The following JUP variants were observed in gnomAD, a reference collection of about 807,000 sequenced individuals.
The protein encoded by JUP is junction plakoglobin, also known as catenin (cadherin-associated protein), gamma 80kDa.
In JUP, 28 loss-of-function variants were observed where a neutral mutation model predicts 71.1. The ratio of observed to expected loss-of-function variants is 0.39; its 90% CI spans 0.29 to 0.54. The LOEUF is 0.54. JUP is among the 20% of genes least tolerant of loss of function. The probability of loss-of-function intolerance (pLI) is 0.62; values close to 1 mark genes in which losing one functional copy is unlikely to be tolerated. For synonymous variants in JUP, 401 were observed against 438.9 expected (o/e 0.91, Z 1.08); for missense variants, 869 against 1,030.1 (o/e 0.84, Z 2.14).
intron 1 of JUP, among the ~76,000 whole-genome samples, chr17:41,783,970 C>G (rs1229134951): frequency 6.7e-6 from 1 of 150,278 alleles, no homozygotes; most frequent in Non-Finnish European, 1.5e-5. Flanking sequence ...TACCGTTTGT[C>G]AAGTACTTAC....
intron 5 of JUP, among the ~76,000 whole-genome samples, chr17:41,765,383 G>T (rs186716112): frequency 6.7e-6 from 1 of 148,556 alleles, no homozygotes; most frequent in African/African-American, 2.5e-5. Context: ...ATAGAGTCTC[G>T]CTCTGTCACC....
chr17:41,773,520 A>G (rs1555607726), intron 1 of JUP, among the ~76,000 whole-genome samples: 1 of 152,164 alleles, frequency 6.6e-6, no homozygotes, highest in Admixed American at 6.5e-5. Context: ...CCCAGACGAC[A>G]GGCTCGGGCC....
At chr17:41,757,922 G>A in intron 10 of JUP, 138 bp from the exon 11 acceptor site, 2 of 708,922 alleles carry the variant, frequency 2.8e-6, no homozygotes, top group Admixed American at 5.8e-5. Flanking sequence ...GGGAGTAAGT[G>A]TTACTGCTTT....
At chr17:41,762,684 A>G (rs773772044) in intron 8 of JUP, among the ~76,000 whole-genome samples, 45 of 152,158 alleles carry the variant, frequency 3.0e-4, no homozygotes, top group Non-Finnish European at 5.4e-4. Flanking sequence ...TACAGGCATG[A>G]GCCACCGTGC....
intron 1 of JUP, among the ~76,000 whole-genome samples, chr17:41,783,893 C>CAAAAAAAAAA (rs35672991): frequency 1.2e-5 from 1 of 81,996 alleles, no homozygotes; most frequent in Non-Finnish European, 2.3e-5. Flanking sequence ...GACTCCATCT[C>CAAAAAAAAAA]AAAAAAAAAA....
chr17:41,772,916 G>C, intron 1 of JUP: 2 of 985,432 alleles, frequency 2.0e-6, no homozygotes, highest in Non-Finnish European at 2.4e-6. Context: ...CTGACCTGCA[G>C]AGGTCAGAGG....
At position 41,767,232 on chromosome 17, in the gene JUP, T is replaced by G. The variant is rs1425671614; in HGVS notation, c.909+147A>C. 1.0e-5 allele frequency: 7 copies of G among 668,060 alleles called. No individual in the cohort carries two copies. In the Admixed American group the frequency reaches 1.8e-4, roughly 17 times the overall value. 41.4% of individuals were successfully genotyped at this position (668,060 alleles called of 1,614,324 possible). A position where few individuals can be genotyped will look rare whatever the true frequency, so the allele number is the denominator to read the frequency against. On this transcript the variant is annotated intron_variant, in intron 5 of 13. Transcript: ENST00000393931. ...TCCCTTATCCTCAAAATAATAATTCTGGGCAATTCAGTCGCATGATGAAGC... is the reference window on the plus strand; with the variant it reads ...TCCCTTATCCTCAAAATAATAATTCGGGGCAATTCAGTCGCATGATGAAGC...
chr17:41,759,652 G>C (rs1475568394), intron 8 of JUP, among the ~76,000 whole-genome samples: 1 of 152,030 alleles, frequency 6.6e-6, no homozygotes, highest in Non-Finnish European at 1.5e-5. Flanking sequence ...TCCTCCCCAG[G>C]GTCTTTGACT....
chr17:41,778,026 C>T (rs138220669), intron 1 of JUP, among the ~76,000 whole-genome samples: 2,210 of 152,292 alleles, frequency 0.015, 18 homozygotes, highest in Non-Finnish European at 0.022. Flanking sequence ...GTGTTGGTGA[C>T]GCAAAATACA....
chr17:41,756,650 G>A (rs1913825058), intron 12 of JUP, among the ~76,000 whole-genome samples: 1 of 151,600 alleles, frequency 6.6e-6, no homozygotes, highest in Non-Finnish European at 1.5e-5. Flanking sequence ...TGTAATCCCA[G>A]CACTTTGGGA....
At chr17:41,771,174 T>G (rs1555606716) in intron 2 of JUP, among the ~76,000 whole-genome samples, 1 of 152,014 alleles carries the variant, frequency 6.6e-6, no homozygotes, top group Non-Finnish European at 1.5e-5. Flanking sequence ...GGACTACAGG[T>G]GCATGCGCCA....
In JUP at chr17:41,755,633, C is replaced by A. The variant is rs1250651922; in HGVS notation, c.*111G>T. The A allele has an allele frequency of 8.1e-6, 9 of 1,108,460 alleles. No individual in the cohort carries two copies. The highest frequency in any genetic ancestry group is 4.7e-5 in the African/African-American group (3 of 64,082). 68.7% of individuals were successfully genotyped at this position (1,108,460 alleles called of 1,614,324 possible). A position where few individuals can be genotyped will look rare whatever the true frequency, so the allele number is the denominator to read the frequency against. ...GGAAGCTCAGCAGCAAAGGATCCCC[C>A]CAAAAAAGGAGCGCAGGTTTCAGCG... On this transcript the variant is annotated 3_prime_UTR_variant, in exon 14 of 14. Coordinates refer to ENST00000393931, the MANE Select transcript of JUP (RefSeq NM_002230.4).
intron 8 of JUP, among the ~76,000 whole-genome samples, chr17:41,760,183 A>T (rs188610359): frequency 3.3e-3 from 495 of 151,790 alleles, no homozygotes; most frequent in African/African-American, 8.1e-3. Context: ...ATAATAATAA[A>T]AAATAATAAT....
rs199683273 is a variant in JUP at position 41,755,789 on chromosome 17, G to A, written c.2193C>T (p.Asp731=). Residue 731 remains aspartate, a synonymous_variant, in exon 14 of 14, where the codon GAC becomes GAT. Coordinates refer to ENST00000393931, the MANE Select transcript of JUP (RefSeq NM_002230.4). ...DGDYPIDTYS[D]GLRPPYPTAD... The stretch of plus-strand genomic sequence containing the variant: ...CAGTGGGGTACGGGGGCCTGAGGCC[G>A]TCGCTGTAGGTGTCGATGGGGTAGT... The A allele has an allele frequency of 4.0e-5, 64 of 1,612,002 alleles. No homozygotes were observed. The highest frequency in any genetic ancestry group is 5.0e-5 in the Non-Finnish European group (59 of 1,178,988).
In JUP at chr17:41,769,570, C is replaced by G; in HGVS notation, c.316G>C (p.Val106Leu). Residue 106 changes from valine (V) to leucine (L), a missense_variant, in exon 3 of 14, where the codon GTG (valine) becomes CTG (leucine). Transcript: ENST00000393931. ...EDSSLLLATQ[V>L]EGQATNLQRL... Reference sequence around the variant, plus strand: ...TGCAGGTTGGTGGCCTGCCCCTCCACCTGGGTGGCCAGCAGAAGCGAGCTG... The same window carrying G: ...TGCAGGTTGGTGGCCTGCCCCTCCAGCTGGGTGGCCAGCAGAAGCGAGCTG... The G allele has an allele frequency of 6.2e-7, 1 of 1,607,552 alleles. No individual in the cohort carries two copies. Among genetic ancestry groups the G allele is most frequent in the African/African-American group, 1.3e-5 (1 of 75,034 alleles).
chr17:41,759,670 G>A (rs1555600274), intron 8 of JUP, among the ~76,000 whole-genome samples: 1 of 152,168 alleles, frequency 6.6e-6, no homozygotes, highest in East Asian at 1.9e-4. Flanking sequence ...ACTCAGAGGA[G>A]CCACTCTGGC....
chr17:41,759,261 G>C (rs1294471169), intron 8 of JUP, among the ~76,000 whole-genome samples: 1 of 152,038 alleles, frequency 6.6e-6, no homozygotes, highest in East Asian at 1.9e-4. Context: ...TTTTAGTAGA[G>C]ACGGGGTTTC....
chr17:41,783,643 A>G (rs1452119097), intron 1 of JUP, among the ~76,000 whole-genome samples: 2 of 151,600 alleles, frequency 1.3e-5, no homozygotes, highest in Non-Finnish European at 2.9e-5. Context: ...GGTTTGGGCC[A>G]GGTGAGGTGG....
In JUP at chr17:41,754,661, A is replaced by G. The variant is rs1913394645; in HGVS notation, c.*1083T>C. On this transcript the variant is annotated 3_prime_UTR_variant, in exon 14 of 14. Transcript: ENST00000393931. ...TTTGGTCTATACAAAAAAACCAATA[A>G]CCAAAAACATAAAGCGATAATAATA... 6.5e-6 allele frequency: 1 copy of G among 152,674 alleles called. No individual in the cohort carries two copies. The highest frequency in any genetic ancestry group is 2.4e-5 in the African/African-American group (1 of 41,452). 9.5% of individuals were successfully genotyped at this position (152,674 alleles called of 1,614,324 possible). A position where few individuals can be genotyped will look rare whatever the true frequency, so the allele number is the denominator to read the frequency against.
Sources: allele counts gnomAD v4.1 joint callset (sites outside exome capture counted in the v4.1 genomes callset), GRCh38; gene constraint gnomAD v4.1.1; transcripts MANE v1.5; gene names NCBI Gene and HGNC (gene_info 2026-07-23, HGNC 2026-07-21).